The following RANBP2 variants were observed in gnomAD, a reference collection of about 807,000 sequenced individuals.
The protein encoded by RANBP2 is RAN binding protein 2.
RANBP2 carries 57 observed loss-of-function variants against 303.6 expected under a neutral mutation model. That is an observed-to-expected ratio of 0.19 (90% CI 0.15 to 0.23). RANBP2 has a LOEUF of 0.23. Among genes scored for constraint, RANBP2 ranks in the 10% least tolerant of loss-of-function variants. The pLI is 1.00. For synonymous variants in RANBP2, 1,167 were observed against 1,301.5 expected (o/e 0.90, Z 2.23); for missense variants, 3,138 against 3,780.8 (o/e 0.83, Z 4.46).
chr2:109,425,678 T>C, the RANBP2 span, among the ~76,000 whole-genome samples: 1 of 148,026 alleles, frequency 6.8e-6, no homozygotes, highest in Admixed American at 6.8e-5. Flanking sequence ...TGTAAGTCCA[T>C]TGTCAAGACC....
At chr2:109,388,340 A>G in the RANBP2 span, among the ~76,000 whole-genome samples, 1 of 152,166 alleles carries the variant, frequency 6.6e-6, no homozygotes, top group African/African-American at 2.4e-5. Flanking sequence ...CATGGAACAC[A>G]TCCTAAAGAA....
the RANBP2 span, among the ~76,000 whole-genome samples, chr2:109,499,481 A>C: frequency 6.6e-6 from 1 of 152,094 alleles, no homozygotes; most frequent in Middle Eastern, 3.4e-3. Context: ...CACAATCCTC[A>C]CCCACAAAAG....
At chr2:109,662,859 C>T in the RANBP2 span, among the ~76,000 whole-genome samples, 143 of 152,286 alleles carry the variant, frequency 9.4e-4, no homozygotes, top group African/African-American at 3.1e-3. Flanking sequence ...CTCCCTTGTG[C>T]GATTGCCATG....
At chr2:108,896,150 A>G in the RANBP2 span, 13,530 of 152,250 alleles carry the variant, frequency 0.089, 828 homozygotes, top group African/African-American at 0.16. Context: ...CACACATCCA[A>G]TTGCTTGGAC....
chr2:109,199,330 A>ATAAAATAAATAAAATAAAAT, the RANBP2 span, among the ~76,000 whole-genome samples: 6 of 150,588 alleles, frequency 4.0e-5, no homozygotes, highest in East Asian at 3.9e-4. Context: ...TCAAAAAGTA[A>ATAAAATAAATAAAATAAAAT]AATGGAATGG....
the RANBP2 span, chr2:109,436,904 G>A: frequency 6.2e-7 from 1 of 1,613,332 alleles, no homozygotes; most frequent in Non-Finnish European, 8.5e-7. Context: ...GTGCCTGCAG[G>A]AGGGGCAGGG....
At position 108,767,952 on chromosome 2, in the gene RANBP2, A is replaced by T. The variant is rs1289427477; in HGVS notation, c.7413A>T (p.Val2471=). 2.5e-6 allele frequency: 4 copies of T among 1,611,976 alleles called. No homozygotes were observed. The highest frequency in any genetic ancestry group is 3.4e-6 in the Non-Finnish European group (4 of 1,179,844). The change falls in exon 20 of 29, where the codon GTA becomes GTT. Residue 2471 remains valine, a synonymous_variant. Transcript: ENST00000283195. ...ESPCGKIAVA[V]LEETTRERTD... Reference sequence around the variant, plus strand: ...CATGTGGCAAAATTGCTGTAGCTGTATTAGAAGAAACCACAAGAGAGAGGA... The same window carrying T: ...CATGTGGCAAAATTGCTGTAGCTGTTTTAGAAGAAACCACAAGAGAGAGGA...
chr2:108,826,939 G>C, the RANBP2 span, among the ~76,000 whole-genome samples: 1 of 151,784 alleles, frequency 6.6e-6, no homozygotes, highest in Non-Finnish European at 1.5e-5. Flanking sequence ...TCGTTTTCAG[G>C]GTATAAGTTT....
At chr2:109,046,090 G>A in the RANBP2 span, among the ~76,000 whole-genome samples, 2 of 152,008 alleles carry the variant, frequency 1.3e-5, no homozygotes, top group Non-Finnish European at 2.9e-5. Context: ...AGATCACGAG[G>A]TCAGGAGATT....
chr2:108,756,969 G>A (rs2912835), intron 17 of RANBP2, among the ~76,000 whole-genome samples: 1 of 152,194 alleles, frequency 6.6e-6, no homozygotes, highest in East Asian at 1.9e-4. Context: ...AGATGGATGA[G>A]TGGGGGAAAT....
chr2:109,302,882 T>C, the RANBP2 span, among the ~76,000 whole-genome samples: 1 of 152,072 alleles, frequency 6.6e-6, no homozygotes, highest in African/African-American at 2.4e-5. Flanking sequence ...CTTTTTTTGT[T>C]TGTTTGTTTT....
At chr2:109,368,718 A>G in the RANBP2 span, among the ~76,000 whole-genome samples, 14 of 150,888 alleles carry the variant, frequency 9.3e-5, no homozygotes, top group Admixed American at 2.6e-4. Flanking sequence ...TAAAAAAAAA[A>G]AAAAAGAAAA....
the RANBP2 span, among the ~76,000 whole-genome samples, chr2:109,068,419 T>A: frequency 6.6e-6 from 1 of 152,342 alleles, no homozygotes; most frequent in South Asian, 2.1e-4. Flanking sequence ...GTAAGCCGTC[T>A]GAGGGCAAGG....
At chr2:109,558,843 A>T in the RANBP2 span, among the ~76,000 whole-genome samples, 1 of 152,176 alleles carries the variant, frequency 6.6e-6, no homozygotes, top group Non-Finnish European at 1.5e-5. Context: ...AAATTACAAC[A>T]ACTACCAAAT....
the RANBP2 span, among the ~76,000 whole-genome samples, chr2:109,697,288 G>T: frequency 2.0e-5 from 3 of 152,108 alleles, no homozygotes; most frequent in Non-Finnish European, 4.4e-5. Flanking sequence ...TTGGGAGTTC[G>T]AGACCAGCCT....
At chr2:108,807,186 A>G in the RANBP2 span, among the ~76,000 whole-genome samples, 3 of 152,276 alleles carry the variant, frequency 2.0e-5, no homozygotes, top group African/African-American at 2.4e-5. Flanking sequence ...GGAATTTAAC[A>G]GGCAATGACT....
rs1035728553 is a variant in RANBP2 at position 108,785,641 on chromosome 2, T to C, written c.*1740T>C. ...ATGCTTAAAAGTGGCTTGTGGCATT[T>C]ATGAGAAAGTCTTTGTGTCACATTT... is the stretch of plus-strand genomic sequence containing the variant. On this transcript the variant is annotated 3_prime_UTR_variant, in exon 29 of 29. Transcript: ENST00000283195. The C allele has an allele frequency of 1.3e-5, 2 of 152,246 alleles. No homozygotes were observed. The highest frequency in any genetic ancestry group is 4.8e-5 in the African/African-American group (2 of 41,466). 9.4% of individuals were successfully genotyped at this position (152,246 alleles called of 1,614,324 possible).
the RANBP2 span, among the ~76,000 whole-genome samples, chr2:109,761,580 T>C: frequency 2.0e-5 from 3 of 148,360 alleles, no homozygotes; most frequent in African/African-American, 7.4e-5. Context: ...TTAATTCCAG[T>C]TGCGGGTGTC....
the RANBP2 span, among the ~76,000 whole-genome samples, chr2:109,361,352 T>C: frequency 6.6e-6 from 1 of 152,254 alleles, no homozygotes; most frequent in Admixed American, 6.5e-5. Context: ...GGAAATATTC[T>C]TTCTGCGAAG....
Sources: allele counts gnomAD v4.1 joint callset (sites outside exome capture counted in the v4.1 genomes callset), GRCh38; gene constraint gnomAD v4.1.1; transcripts MANE v1.5; gene names NCBI Gene and HGNC (gene_info 2026-07-23, HGNC 2026-07-21).